The following SLC6A16 variants were observed in gnomAD, a reference collection of about 807,000 sequenced individuals.
SLC6A16 encodes orphan sodium- and chloride-dependent neurotransmitter transporter NTT5.
In SLC6A16, 54 loss-of-function variants were observed where a neutral mutation model predicts 65.4. The ratio of observed to expected loss-of-function variants is 0.83; its 90% CI spans 0.66 to 1.04. SLC6A16 has a LOEUF of 1.04. Among genes scored for constraint, SLC6A16 ranks in the 50% least tolerant of loss-of-function variants. SLC6A16 has a pLI of 0.00. For synonymous variants in SLC6A16, 330 were observed against 346.5 expected (o/e 0.95, Z 0.53); for missense variants, 816 against 914.0 (o/e 0.89, Z 1.38).
chr19:49,304,407 G>A (rs7246394), intron 7 of SLC6A16, among the ~76,000 whole-genome samples: 1,576 of 152,188 alleles, frequency 0.01, 30 homozygotes, highest in African/African-American at 0.036. Flanking sequence ...CCTTGTTATC[G>A]ATCTCTGTAG....
Position 49,290,141 on chromosome 19 carries a change from A to G in SLC6A16, c.2193T>C (p.Thr731=). The change falls in exon 12 of 12, where the codon ACT becomes ACC. Residue 731 remains threonine, a synonymous_variant. Coordinates refer to ENST00000335875, the MANE Select transcript of SLC6A16 (RefSeq NM_014037.3). The part of the protein sequence containing the change: ...LQVDETKYPS[T]CNVTS Reference sequence around the variant, plus strand: ...AATGAAGTTAGGAAGTCACATTACAAGTTGATGGGTACTTTGTTTCATCAA... The same window carrying G: ...AATGAAGTTAGGAAGTCACATTACAGGTTGATGGGTACTTTGTTTCATCAA... 6.2e-7 allele frequency: 1 copy of G among 1,614,066 alleles called. No individual in the cohort carries two copies. Among genetic ancestry groups the G allele is most frequent in the Non-Finnish European group, 8.5e-7 (1 of 1,179,978 alleles).
At chr19:49,330,592 G>A in the SLC6A16 span, among the ~76,000 whole-genome samples, 2 of 152,110 alleles carry the variant, frequency 1.3e-5, no homozygotes, top group Non-Finnish European at 2.9e-5. Context: ...AATTCAATGG[G>A]TAGAATTGCT....
In SLC6A16 at chr19:49,311,285, C is replaced by G. The variant is rs1970517025; in HGVS notation, c.63G>C (p.Val21=). 6.2e-7 allele frequency: 1 copy of G among 1,612,514 alleles called. No individual in the cohort carries two copies. The highest frequency in any genetic ancestry group is 2.2e-5 in the East Asian group (1 of 44,876). ...LLANTSWTGT[V]ISDSVPGSQT... The stretch of plus-strand genomic sequence containing the variant: ...GACTTCCTGGGACACTGTCAGAAAT[C>G]ACTGTGCCAGTCCATGAGGTGTTTG... The change falls in exon 2 of 12, where the codon GTG becomes GTC. Residue 21 remains valine, a synonymous_variant. Coordinates refer to ENST00000335875, the MANE Select transcript of SLC6A16 (RefSeq NM_014037.3).
At chr19:49,307,735 A>G (rs1970423370) in intron 7 of SLC6A16, among the ~76,000 whole-genome samples, 2 of 116,200 alleles carry the variant, frequency 1.7e-5, no homozygotes, top group Non-Finnish European at 3.6e-5. Flanking sequence ...AAAAAAAAAG[A>G]AAAAGAAAAA....
chr19:49,331,728 G>A, the SLC6A16 span: 1 of 457,096 alleles, frequency 2.2e-6, no homozygotes, highest in Non-Finnish European at 4.4e-6. Flanking sequence ...GCTGAGTCTA[G>A]AAATGGGCTG....
At chr19:49,337,235 A>G in the SLC6A16 span, 1 of 1,612,162 alleles carries the variant, frequency 6.2e-7, no homozygotes, top group Non-Finnish European at 8.5e-7. Context: ...AGCTTCCTGC[A>G]GTGGCCACCA....
chr19:49,336,950 G>C, the SLC6A16 span: 1 of 1,614,148 alleles, frequency 6.2e-7, no homozygotes, highest in Non-Finnish European at 8.5e-7. Context: ...CAAAGTCCTG[G>C]CCATCTCAGG....
chr19:49,330,288 T>A, the SLC6A16 span, among the ~76,000 whole-genome samples: 7 of 152,324 alleles, frequency 4.6e-5, no homozygotes, highest in East Asian at 3.9e-4. Context: ...GGTTAAGTTG[T>A]CCTTCACTGC....
chr19:49,338,821 C>G, the SLC6A16 span: 1 of 1,614,026 alleles, frequency 6.2e-7, no homozygotes, highest in Non-Finnish European at 8.5e-7. This position sits in a 1 kb window ranked among gnomAD's most constrained non-coding sequence, Gnocchi z 5.0. Flanking sequence ...ACCAACGACT[C>G]CACAATCCTA....
chr19:49,338,172 TC>T, the SLC6A16 span: 1 of 1,444,980 alleles, frequency 6.9e-7, no homozygotes. The surrounding 1 kb of genome is among the most constrained non-coding windows in gnomAD (Gnocchi z 5.0). Flanking sequence ...CGCTCCCCAC[TC>T]CCCAGATGAC....
At chr19:49,321,506 C>T (rs1010345023) in intron 1 of SLC6A16, among the ~76,000 whole-genome samples, 1 of 151,878 alleles carries the variant, frequency 6.6e-6, no homozygotes, top group Admixed American at 6.6e-5. Flanking sequence ...GAGGCCAAGG[C>T]GGGTGGATCA....
At chr19:49,337,083 T>C in the SLC6A16 span, 1 of 1,613,990 alleles carries the variant, frequency 6.2e-7, no homozygotes, top group Non-Finnish European at 8.5e-7. Context: ...ATCCCCACCC[T>C]CAAAAATGGC....
chr19:49,291,094 G>C (rs1279770748), intron 10 of SLC6A16, among the ~76,000 whole-genome samples: 1 of 152,198 alleles, frequency 6.6e-6, no homozygotes, highest in Non-Finnish European at 1.5e-5. Context: ...TGGATATCCA[G>C]CAGTGAACAA....
chr19:49,311,798 G>A (rs200991511), intron 1 of SLC6A16, among the ~76,000 whole-genome samples: 1 of 149,522 alleles, frequency 6.7e-6, no homozygotes, highest in Non-Finnish European at 1.5e-5. Flanking sequence ...GCAGTGAGCC[G>A]AGATCAGGCC....
chr19:49,320,870 C>G (rs1970699099), intron 1 of SLC6A16, among the ~76,000 whole-genome samples: 1 of 152,114 alleles, frequency 6.6e-6, no homozygotes, highest in Admixed American at 6.5e-5. Context: ...AATTGGTAAT[C>G]AAAAATCTCT....
At chr19:49,331,849 C>A in the SLC6A16 span, 11 of 456,494 alleles carry the variant, frequency 2.4e-5, no homozygotes, top group Non-Finnish European at 4.8e-5. Flanking sequence ...AAGAAGAAAC[C>A]AAGTTGGTGA....
chr19:49,298,950 T>C (rs543369280), intron 7 of SLC6A16, among the ~76,000 whole-genome samples: 1 of 152,208 alleles, frequency 6.6e-6, no homozygotes, highest in East Asian at 1.9e-4. Context: ...TGAATTAACA[T>C]AGGAATAGAA....
chr19:49,328,798 G>A (rs570091065), upstream of SLC6A16, among the ~76,000 whole-genome samples: 11 of 152,262 alleles, frequency 7.2e-5, no homozygotes, highest in African/African-American at 2.6e-4. Context: ...TTTCTTACTT[G>A]CCCATTCCCT....
intron 3 of SLC6A16, 73 bp from the exon 4 acceptor site, chr19:49,310,239 T>C (rs1970489290): frequency 2.5e-5 from 40 of 1,606,624 alleles, no homozygotes; most frequent in Admixed American, 3.4e-5. Flanking sequence ...GACAGAGGAT[T>C]GGGGAACCAA....
Sources: allele counts gnomAD v4.1 joint callset (sites outside exome capture counted in the v4.1 genomes callset), GRCh38; gene constraint gnomAD v4.1.1; non-coding constraint Gnocchi (gnomAD v3.1); transcripts MANE v1.5; gene names NCBI Gene and HGNC (gene_info 2026-07-23, HGNC 2026-07-21).